Variants in CYB5A observed in about 807,000 individuals in gnomAD.
CYB5A encodes cytochrome b5.
A neutral mutation model predicts 16.2 loss-of-function variants in CYB5A; 10 were observed. The ratio of observed to expected loss-of-function variants is 0.62; its 90% CI spans 0.38 to 1.04. The LOEUF (loss-of-function observed/expected upper bound fraction) is 1.04, where lower values mean the gene tolerates loss of function less well. Ranked by LOEUF, CYB5A falls within the 50% of genes least tolerant of loss-of-function variation. The pLI is 0.01. For synonymous variants in CYB5A, 62 were observed against 57.0 expected (o/e 1.09, Z -0.40); for missense variants, 161 against 165.9 (o/e 0.97, Z 0.16).
At chr18:74,275,999 T>C (rs773578740) in intron 1 of CYB5A, among the ~76,000 whole-genome samples, 1 of 151,610 alleles carries the variant, frequency 6.6e-6, no homozygotes, top group Non-Finnish European at 1.5e-5. Flanking sequence ...CAACCCCATT[T>C]CTCCCCCTCG....
At chr18:74,263,765 A>G (rs997191588) in intron 1 of CYB5A, among the ~76,000 whole-genome samples, 2 of 152,168 alleles carry the variant, frequency 1.3e-5, no homozygotes, top group African/African-American at 4.8e-5. Flanking sequence ...TTAAAAAATT[A>G]GCTGGGCACG....
rs3737453 is a variant in CYB5A, at chr18:74,255,897, C to T, written c.289-122G>A. On this transcript the variant is annotated intron_variant, in intron 3 of 4. Transcript: ENST00000340533. ...ATGCAATGCATTCTTCAGAAGATGT[C>T]GAAAGGGAAAATTATAAACTTCTTT... 1.3e-3 allele frequency: 972 copies of T among 758,618 alleles called. 11 individuals carry two copies. The East Asian group carries it at 0.023, about 18-fold the overall frequency. 47.0% of individuals were successfully genotyped at this position (758,618 alleles called of 1,614,324 possible).
chr18:74,270,929 A>G (rs993333531), intron 1 of CYB5A, among the ~76,000 whole-genome samples: 5 of 152,214 alleles, frequency 3.3e-5, no homozygotes, highest in African/African-American at 1.2e-4. Flanking sequence ...TTCAATACCC[A>G]TAAGTATTCA....
chr18:74,284,968 C>A (rs1177600918), intron 1 of CYB5A, among the ~76,000 whole-genome samples: 1 of 152,200 alleles, frequency 6.6e-6, no homozygotes, highest in African/African-American at 2.4e-5. Flanking sequence ...CTCACCCTCC[C>A]GGTCCCCATG....
At chr18:74,277,518 C>T (rs1265791700) in intron 1 of CYB5A, among the ~76,000 whole-genome samples, 1 of 152,214 alleles carries the variant, frequency 6.6e-6, no homozygotes, top group Non-Finnish European at 1.5e-5. Flanking sequence ...TGCTCTGTTG[C>T]TACCAAAATG....
intron 3 of CYB5A, chr18:74,256,747 G>T (rs1981998571): frequency 1.5e-6 from 2 of 1,303,060 alleles, no homozygotes; most frequent in Non-Finnish European, 2.2e-6. Flanking sequence ...GCATCACTCT[G>T]CAAAGCACGT....
At chr18:74,266,438 C>A (rs1390837399) in intron 1 of CYB5A, among the ~76,000 whole-genome samples, 1 of 152,164 alleles carries the variant, frequency 6.6e-6, no homozygotes, top group African/African-American at 2.4e-5. Flanking sequence ...CATTATTTGC[C>A]AGGGACAGCC....
rs1981791470 is a variant in CYB5A at position 74,252,086 on chromosome 18, A to T, written c.*1498T>A. 2 of 152,260 alleles carry T rather than the reference A, an allele frequency of 1.3e-5. No homozygotes were observed. Among genetic ancestry groups the T allele is most frequent in the African/African-American group, 4.8e-5 (2 of 41,466 alleles). The allele number at this position is 152,260 out of a possible 1,614,324, so 9.4% of individuals were successfully genotyped here. A position where few individuals can be genotyped will look rare whatever the true frequency, so the allele number is the denominator to read the frequency against. ...CAAGTGTTGTAATTTATTTTGAAATAGAAACTACTTGTCAACTTTCAGTGA... is the reference window on the plus strand; with the variant it reads ...CAAGTGTTGTAATTTATTTTGAAATTGAAACTACTTGTCAACTTTCAGTGA... On this transcript the variant is annotated 3_prime_UTR_variant, in exon 5 of 5. Coordinates refer to ENST00000340533, the MANE Select transcript of CYB5A (RefSeq NM_148923.4).
chr18:74,288,458 G>A (rs1362445035), intron 1 of CYB5A, among the ~76,000 whole-genome samples: 1 of 152,192 alleles, frequency 6.6e-6, no homozygotes, highest in East Asian at 1.9e-4. Flanking sequence ...TTCCTATTTA[G>A]GTAAATTAGG....
At chr18:74,269,332 C>T (rs562544934) in intron 1 of CYB5A, among the ~76,000 whole-genome samples, 1 of 117,110 alleles carries the variant, frequency 8.5e-6, no homozygotes, top group Non-Finnish European at 2.0e-5. Context: ...TTCTCGGCCA[C>T]CACAGTCTCC....
Position 74,277,727 on chromosome 18 carries a change from A to T in CYB5A, c.129+14020T>A, listed in dbSNP as rs116801870. Among the ~76,000 whole-genome samples the T allele has an allele frequency of 4.6e-3, 703 of 152,280 alleles. 6 individuals are homozygous for T. Among genetic ancestry groups the T allele is most frequent in the African/African-American group, 0.016 (669 of 41,546 alleles). Reference sequence around the variant, plus strand: ...GGCAACGCTTAGACTCTGTGTGAACATTTCAGCAGGAGCTCGCCAGGTGAG... The same window carrying T: ...GGCAACGCTTAGACTCTGTGTGAACTTTTCAGCAGGAGCTCGCCAGGTGAG... On this transcript the variant is annotated intron_variant, in intron 1 of 4. Coordinates refer to ENST00000340533, the MANE Select transcript of CYB5A (RefSeq NM_148923.4).
chr18:74,267,179 C>T (rs547093043), intron 1 of CYB5A, among the ~76,000 whole-genome samples: 1 of 150,320 alleles, frequency 6.7e-6, no homozygotes, highest in South Asian at 2.1e-4. Context: ...TTTTTTGAGA[C>T]GGAGTCTCGC....
chr18:74,283,923 T>C (rs113431143), intron 1 of CYB5A, among the ~76,000 whole-genome samples: 3 of 152,026 alleles, frequency 2.0e-5, no homozygotes, highest in African/African-American at 7.2e-5. Flanking sequence ...ACTGACCCCA[T>C]AGGGTTGTTT....
intron 1 of CYB5A, among the ~76,000 whole-genome samples, chr18:74,268,268 A>G (rs1325541422): frequency 6.6e-6 from 1 of 152,146 alleles, no homozygotes; most frequent in Non-Finnish European, 1.5e-5. Context: ...CACCCACACA[A>G]AGGGGTCAGG....
intron 1 of CYB5A, among the ~76,000 whole-genome samples, chr18:74,286,950 T>C (rs1983343627): frequency 6.6e-6 from 1 of 152,214 alleles, no homozygotes; most frequent in African/African-American, 2.4e-5. Flanking sequence ...CAAAACAAAG[T>C]TGCCTCTTGG....
At chr18:74,285,288 A>C (rs757998384) in intron 1 of CYB5A, among the ~76,000 whole-genome samples, 24 of 152,214 alleles carry the variant, frequency 1.6e-4, no homozygotes, top group Non-Finnish European at 3.4e-4. Flanking sequence ...CCTGCTACTC[A>C]GTTTCCCATG....
At chr18:74,272,909 C>T (rs373659943) in intron 1 of CYB5A, among the ~76,000 whole-genome samples, 16 of 152,178 alleles carry the variant, frequency 1.1e-4, no homozygotes, top group African/African-American at 3.1e-4. Flanking sequence ...GCGACAAAAG[C>T]GAGACTCCAT....
intron 1 of CYB5A, among the ~76,000 whole-genome samples, chr18:74,291,523 C>A (rs533487254): frequency 6.7e-6 from 1 of 149,462 alleles, no homozygotes; most frequent in South Asian, 2.1e-4. Context: ...CAGGTGTGAG[C>A]GCGCAGGTGT....
intron 2 of CYB5A, chr18:74,261,422 C>A: frequency 5.0e-6 from 1 of 198,624 alleles, no homozygotes; most frequent in East Asian, 1.2e-4. Context: ...TGTTTAAAGG[C>A]TGGCCAGGGG....
Sources: gnomAD v4.1 joint callset for allele counts (sites outside exome capture counted in the v4.1 genomes callset) on GRCh38, gnomAD v4.1.1 for gene constraint, MANE v1.5 for transcripts, NCBI Gene and HGNC (gene_info 2026-07-23, HGNC 2026-07-21) for gene names.